Variants in DOCK3 observed in about 807,000 individuals in gnomAD.
DOCK3 encodes dedicator of cytokinesis protein 3.
In DOCK3, 60 loss-of-function variants were observed where a neutral mutation model predicts 265.6. That is an observed-to-expected ratio of 0.23 (90% CI 0.18 to 0.28). The LOEUF is 0.28. Ranked by LOEUF, DOCK3 falls within the 10% of genes least tolerant of loss-of-function variation. The pLI is 1.00. For synonymous variants in DOCK3, 881 were observed against 938.0 expected (o/e 0.94, Z 1.11); for missense variants, 1,981 against 2,594.3 (o/e 0.76, Z 5.14).
At chr3:50,984,665 G>A (rs2077827629) in intron 5 of DOCK3, among the ~76,000 whole-genome samples, 1 of 152,138 alleles carries the variant, frequency 6.6e-6, no homozygotes, top group Non-Finnish European at 1.5e-5. Flanking sequence ...CAGACTGAAA[G>A]GGACTCCTGA....
chr3:51,172,948 T>C (rs1005717423), intron 12 of DOCK3, among the ~76,000 whole-genome samples: 2 of 152,214 alleles, frequency 1.3e-5, no homozygotes, highest in Non-Finnish European at 2.9e-5. Flanking sequence ...CAGTTTATAT[T>C]TTTATGTCAC....
intron 2 of DOCK3, among the ~76,000 whole-genome samples, chr3:50,781,010 T>TA (rs1444576552): frequency 1.3e-5 from 2 of 152,110 alleles, no homozygotes; most frequent in South Asian, 2.1e-4. Context: ...GGCAGAATAG[T>TA]ATTCCATTGT....
rs982952437 is a variant in DOCK3, at chr3:50,889,957, A to G, written c.163-69A>G. ...GTTTCTGTGCTGAAATCTGATTGCT[A>G]TTTTTGTATATATGAAATGTTAATC... On this transcript the variant is annotated intron_variant, in intron 3 of 52. Transcript: ENST00000266037. The G allele has an allele frequency of 5.7e-6, 7 of 1,232,512 alleles. No homozygotes were observed. In the South Asian group the frequency reaches 6.1e-5, roughly 11 times the overall value. 76.3% of individuals were successfully genotyped at this position (1,232,512 alleles called of 1,614,324 possible). A position where few individuals can be genotyped will look rare whatever the true frequency, so the allele number is the denominator to read the frequency against.
intron 2 of DOCK3, among the ~76,000 whole-genome samples, chr3:50,782,286 G>GTTTT (rs1344110347): frequency 1.1e-4 from 5 of 44,824 alleles, no homozygotes; most frequent in African/African-American, 2.6e-4. Flanking sequence ...ACCAGTACCT[G>GTTTT]TTATTTTTTT....
chr3:51,259,047 A>G (rs2079707382), intron 22 of DOCK3, among the ~76,000 whole-genome samples: 1 of 152,164 alleles, frequency 6.6e-6, no homozygotes, highest in Non-Finnish European at 1.5e-5. Flanking sequence ...ACTAACAGAT[A>G]TTTCAAGTTC....
intron 5 of DOCK3, among the ~76,000 whole-genome samples, chr3:51,059,062 C>T (rs2081305234): frequency 6.6e-6 from 1 of 152,112 alleles, no homozygotes; most frequent in Non-Finnish European, 1.5e-5. Context: ...AGGTAAGTTT[C>T]AACCCTTGTA....
chr3:51,225,017 T>C (rs938890797), intron 14 of DOCK3, among the ~76,000 whole-genome samples: 5 of 152,148 alleles, frequency 3.3e-5, no homozygotes, highest in Admixed American at 6.5e-5. Flanking sequence ...CCTCATTGCC[T>C]TACTACCTAT....
chr3:50,776,248 C>T (rs962246057), intron 1 of DOCK3, among the ~76,000 whole-genome samples: 2 of 152,094 alleles, frequency 1.3e-5, no homozygotes, highest in African/African-American at 4.8e-5. Context: ...ATGCCAACAT[C>T]TATTGTTTTT....
chr3:50,721,998 G>C (rs909528232), intron 1 of DOCK3, among the ~76,000 whole-genome samples: 2 of 152,132 alleles, frequency 1.3e-5, no homozygotes, highest in Admixed American at 1.3e-4. Context: ...TTCACTGAAT[G>C]GGGGGTGGAA....
intron 32 of DOCK3, among the ~76,000 whole-genome samples, chr3:51,329,878 T>C (rs2084402552): frequency 6.6e-6 from 1 of 152,226 alleles, no homozygotes; most frequent in South Asian, 2.1e-4. Flanking sequence ...CCTTGCCTTT[T>C]GCCCTTAGAT....
intron 27 of DOCK3, among the ~76,000 whole-genome samples, chr3:51,299,193 G>A (rs984874499): frequency 2.6e-5 from 4 of 151,818 alleles, no homozygotes; most frequent in East Asian, 3.9e-4. Context: ...TTTTTTTCAC[G>A]TGTTTATGGG....
intron 23 of DOCK3, among the ~76,000 whole-genome samples, chr3:51,270,201 A>AAT (rs1317040998): frequency 1.6e-4 from 25 of 152,216 alleles, no homozygotes; most frequent in African/African-American, 5.3e-4. Flanking sequence ...TGGCTAACTA[A>AAT]ATACACACAT....
At chr3:51,008,356 T>C (rs1472624470) in intron 5 of DOCK3, among the ~76,000 whole-genome samples, 2 of 152,128 alleles carry the variant, frequency 1.3e-5, no homozygotes, top group Admixed American at 1.3e-4. Flanking sequence ...TGTACACAAG[T>C]TGTATTCCTA....
intron 32 of DOCK3, among the ~76,000 whole-genome samples, chr3:51,325,304 G>A (rs561867969): frequency 1.3e-5 from 2 of 152,156 alleles, no homozygotes; most frequent in African/African-American, 4.8e-5. Flanking sequence ...ACAAACATAT[G>A]TAAAAAAAGC....
At chr3:51,220,656 CAAAAAAAAA>C (rs5848918) in intron 14 of DOCK3, among the ~76,000 whole-genome samples, 1 of 99,788 alleles carries the variant, frequency 1.0e-5, no homozygotes, top group African/African-American at 4.6e-5. Context: ...GACTCCATCT[CAAAAAAAAA>C]AAAAAATATA....
chr3:51,378,591 G>A (rs552776968), intron 51 of DOCK3, among the ~76,000 whole-genome samples: 1 of 152,210 alleles, frequency 6.6e-6, no homozygotes, highest in Non-Finnish European at 1.5e-5. Flanking sequence ...ATAGCCCAAA[G>A]GGGAGAGTTG....
At chr3:51,313,357 C>T (rs1576763358) in intron 31 of DOCK3, among the ~76,000 whole-genome samples, 1 of 152,302 alleles carries the variant, frequency 6.6e-6, no homozygotes, top group East Asian at 1.9e-4. Context: ...TTCATGCATC[C>T]AGATCAGATA....
intron 9 of DOCK3, among the ~76,000 whole-genome samples, chr3:51,138,258 G>A (rs1560111984): frequency 6.6e-6 from 1 of 152,204 alleles, no homozygotes; most frequent in Non-Finnish European, 1.5e-5. Flanking sequence ...TCTTCAAATA[G>A]TTTGAATATT....
intron 2 of DOCK3, among the ~76,000 whole-genome samples, chr3:50,823,421 G>A (rs1049334992): frequency 4.6e-5 from 7 of 152,140 alleles, no homozygotes; most frequent in African/African-American, 7.2e-5. Context: ...ATCTTGCACC[G>A]CCCTTAATCC....
Sources: gnomAD v4.1 joint callset for allele counts (sites outside exome capture counted in the v4.1 genomes callset) on GRCh38, gnomAD v4.1.1 for gene constraint, MANE v1.5 for transcripts, NCBI Gene and HGNC (gene_info 2026-07-23, HGNC 2026-07-21) for gene names.